DOP1A: variants seen among roughly 807,000 people sequenced by gnomAD.
The protein encoded by DOP1A is DOP1 leucine zipper like protein A, also known as protein DOP1A.
DOP1A carries 90 observed loss-of-function variants against 267.6 expected under a neutral mutation model. The observed-to-expected ratio is 0.34, with a 90% CI of 0.28 to 0.40. The LOEUF (loss-of-function observed/expected upper bound fraction) is 0.40. Ranked by LOEUF, DOP1A falls within the 10% of genes least tolerant of loss-of-function variation. The pLI is 1.00. For synonymous variants in DOP1A, 932 were observed against 999.1 expected (o/e 0.93, Z 1.27); for missense variants, 2,437 against 2,900.4 (o/e 0.84, Z 3.67).
chr6:83,139,331 C>T (rs879916502), intron 21 of DOP1A, among the ~76,000 whole-genome samples, 169 bp downstream of exon 21: 2 of 151,988 alleles, frequency 1.3e-5, no homozygotes, highest in Admixed American at 6.6e-5. Flanking sequence ...GGAAGAGTAT[C>T]AGTAAAAGAA....
At chr6:83,139,249 T>C in intron 21 of DOP1A, 87 bp downstream of exon 21, 1 of 1,011,258 alleles carries the variant, frequency 9.9e-7, no homozygotes, top group East Asian at 2.5e-5. Flanking sequence ...ACAACTTGAG[T>C]AAATAAAGTA....
At chr6:83,115,787 A>G (rs142498923) in intron 7 of DOP1A, among the ~76,000 whole-genome samples, 1 of 151,866 alleles carries the variant, frequency 6.6e-6, no homozygotes, top group African/African-American at 2.4e-5. Context: ...TGTACCGTAG[A>G]TCTTTTTGAA....
rs1430435107 is a variant in DOP1A at position 83,154,202 on chromosome 6, C to G, written c.6412C>G (p.Leu2138Val). The change falls in exon 33 of 39, where the codon CTG becomes GTG. Residue 2138 changes from leucine (L) to valine (V), a missense_variant. Physicochemically the swap from Leu to Val is conservative, Grantham distance 32. Transcript: ENST00000349129. ...CAGTTGGAGAGCAATTATGGACAAT[C>G]TGATGACACATGATAAAACAACATT... ...VNHWRAIMDN[L>V]MTHDKTTFRD... The G allele has an allele frequency of 2.5e-6, 4 of 1,613,908 alleles. No homozygotes were observed. Among genetic ancestry groups the G allele is most frequent in the Non-Finnish European group, 3.4e-6 (4 of 1,179,874 alleles).
intron 4 of DOP1A, among the ~76,000 whole-genome samples, chr6:83,101,112 T>C (rs1351241443): frequency 3.3e-5 from 5 of 152,082 alleles, no homozygotes; most frequent in Non-Finnish European, 7.4e-5. Context: ...GCCTCCCGGG[T>C]TCACGCCATT....
intron 37 of DOP1A, among the ~76,000 whole-genome samples, chr6:83,161,464 G>A (rs373366127): frequency 3.3e-5 from 5 of 152,068 alleles, no homozygotes; most frequent in South Asian, 2.1e-4. Flanking sequence ...TATAAAGTTC[G>A]AAAGATAGCA....
chr6:83,151,121 T>C (rs1215989785), intron 27 of DOP1A, among the ~76,000 whole-genome samples: 1 of 152,246 alleles, frequency 6.6e-6, no homozygotes, highest in Non-Finnish European at 1.5e-5. Flanking sequence ...ATATCTGTAA[T>C]TTTTCATTGT....
At chr6:83,128,668 T>C (rs1219448907) in intron 15 of DOP1A, among the ~76,000 whole-genome samples, 1 of 152,224 alleles carries the variant, frequency 6.6e-6, no homozygotes, top group Non-Finnish European at 1.5e-5. Flanking sequence ...TGTATATATG[T>C]ATTTTTGTCC....
intron 15 of DOP1A, among the ~76,000 whole-genome samples, chr6:83,128,453 T>G (rs994326795): frequency 1.3e-5 from 2 of 152,196 alleles, no homozygotes; most frequent in African/African-American, 4.8e-5. Flanking sequence ...AGCAAAGATT[T>G]AATTAGTACT....
intron 27 of DOP1A, among the ~76,000 whole-genome samples, chr6:83,149,610 A>C (rs1781234482): frequency 6.6e-6 from 1 of 152,132 alleles, no homozygotes; most frequent in South Asian, 2.1e-4. Context: ...TGGTCTTGAA[A>C]GGGAGTGGGA....
intron 17 of DOP1A, among the ~76,000 whole-genome samples, chr6:83,131,659 GA>G (rs1189675156): frequency 6.6e-6 from 1 of 151,598 alleles, no homozygotes; most frequent in Non-Finnish European, 1.5e-5. Context: ...TTACATGTCT[GA>G]TTTTTTTTTT....
chr6:83,163,102 G>A (rs73749724), intron 38 of DOP1A, among the ~76,000 whole-genome samples, 183 bp downstream of exon 38: 2,864 of 152,044 alleles, frequency 0.019, 97 homozygotes, highest in African/African-American at 0.065. Context: ...AAAACATATC[G>A]TATGTATTTT....
intron 1 of DOP1A, among the ~76,000 whole-genome samples, chr6:83,076,882 G>A (rs920967548): frequency 5.9e-5 from 9 of 152,114 alleles, no homozygotes; most frequent in African/African-American, 1.9e-4. Flanking sequence ...GTGCATCTAT[G>A]GATTAATGGA....
chr6:83,091,751 T>A (rs1770456464), intron 1 of DOP1A, among the ~76,000 whole-genome samples: 1 of 152,312 alleles, frequency 6.6e-6, no homozygotes, highest in African/African-American at 2.4e-5. Flanking sequence ...ATATTATATG[T>A]CTTCAAAATG....
chr6:83,168,915 A>AT (rs1268631842), downstream of DOP1A: 67 of 1,084,360 alleles, frequency 6.2e-5, no homozygotes, highest in Non-Finnish European at 7.3e-5. Flanking sequence ...GGAGTTGGTA[A>AT]TAAGATTTAA....
At chr6:83,109,990 T>C (rs549547837) in intron 5 of DOP1A, 135 bp from the exon 6 acceptor site, 1 of 870,954 alleles carries the variant, frequency 1.1e-6, no homozygotes, top group Admixed American at 3.5e-5. Flanking sequence ...TCTTTCAGTC[T>C]ATCACACTTG....
intron 7 of DOP1A, among the ~76,000 whole-genome samples, chr6:83,116,819 T>A (rs7764458): frequency 2.2e-4 from 34 of 152,160 alleles, no homozygotes; most frequent in Admixed American, 1.0e-3. Context: ...TTAAAAAAAA[T>A]CCAAAAAATA....
chr6:83,142,025 T>C lies in DOP1A; in HGVS notation c.5520T>C (p.Asn1840=). Residue 1840 remains asparagine, a synonymous_variant, in exon 24 of 39, where the codon AAT becomes AAC. Coordinates refer to ENST00000349129, the MANE Select transcript of DOP1A (RefSeq NM_015018.4). ...IAFVWNERRQ[N]KTTTRTKVIP... Reference sequence around the variant, plus strand: ...TTGTGTGGAATGAAAGAAGACAGAATAAAACAACCACCAGGACCAAGGTAT... The same window carrying C: ...TTGTGTGGAATGAAAGAAGACAGAACAAAACAACCACCAGGACCAAGGTAT... The C allele has an allele frequency of 6.2e-7, 1 of 1,612,174 alleles. No individual in the cohort carries two copies. The highest frequency in any genetic ancestry group is 8.5e-7 in the Non-Finnish European group (1 of 1,179,488).
rs530597391 is a variant in DOP1A, at chr6:83,107,826, C to T, written c.321-1084C>T. On this transcript the variant is annotated intron_variant, in intron 4 of 38. Coordinates refer to ENST00000349129, the MANE Select transcript of DOP1A (RefSeq NM_015018.4). ...GGAAAGGTATGGGCACTAAAAAGAG[C>T]ATAGAAAGTTCCGAAAGGAACTAGA... 1.2e-4 allele frequency among the ~76,000 whole-genome samples: 18 copies of T among 152,252 alleles called. No homozygotes were observed. In the South Asian group the frequency reaches 2.9e-3, roughly 25 times the overall value.
At chr6:83,121,503 G>C (rs1201594845) in intron 10 of DOP1A, among the ~76,000 whole-genome samples, 2 of 151,582 alleles carry the variant, frequency 1.3e-5, no homozygotes, top group Non-Finnish European at 3.0e-5. Flanking sequence ...TAAATTAATA[G>C]CAGTAATTAC....
Sources: allele counts gnomAD v4.1 joint callset (sites outside exome capture counted in the v4.1 genomes callset), GRCh38; gene constraint gnomAD v4.1.1; transcripts MANE v1.5; gene names NCBI Gene and HGNC (gene_info 2026-07-23, HGNC 2026-07-21).